The following SDCCAG8 variants were observed in gnomAD, a reference collection of about 807,000 sequenced individuals.
SDCCAG8 encodes the protein SHH signaling and ciliogenesis regulator SDCCAG8, also known as serologically defined colon cancer antigen 8.
Under a neutral mutation model 101.8 loss-of-function variants are expected in SDCCAG8, and 74 were observed. The ratio of observed to expected loss-of-function variants is 0.73; its 90% CI spans 0.60 to 0.88. SDCCAG8 has a LOEUF of 0.88. Ranked by LOEUF, SDCCAG8 falls within the 40% of genes least tolerant of loss-of-function variation. The pLI is 0.00. For synonymous variants in SDCCAG8, 281 were observed against 292.9 expected (o/e 0.96, Z 0.41); for missense variants, 787 against 822.6 (o/e 0.96, Z 0.53).
At chr1:243,270,905 G>A in intron 2 of SDCCAG8, 73 bp from the exon 3 acceptor site, 1 of 1,070,144 alleles carries the variant, frequency 9.3e-7, no homozygotes, top group South Asian at 1.3e-5. Flanking sequence ...TTTATTAGTT[G>A]GAAGGATGGA....
chr1:243,467,271 G>A (rs1425224997), intron 16 of SDCCAG8, among the ~76,000 whole-genome samples: 1 of 152,220 alleles, frequency 6.6e-6, no homozygotes, highest in Admixed American at 6.5e-5. Context: ...ACTTTGAACT[G>A]GATTGAAGTC....
At chr1:243,375,403 A>G (rs2077541858) in intron 12 of SDCCAG8, among the ~76,000 whole-genome samples, 1 of 152,134 alleles carries the variant, frequency 6.6e-6, no homozygotes, top group Non-Finnish European at 1.5e-5. Flanking sequence ...TCAACAATAA[A>G]AAGAAAGTTA....
intron 13 of SDCCAG8, among the ~76,000 whole-genome samples, chr1:243,385,602 T>C (rs2147926401): frequency 6.6e-6 from 1 of 152,108 alleles, no homozygotes; most frequent in East Asian, 1.9e-4. Context: ...CATGTATGTA[T>C]AAGAGTAAGT....
At position 243,418,421 on chromosome 1, in the gene SDCCAG8, T is replaced by C. The variant is rs1304365020; in HGVS notation, c.1853+345T>C. 2.6e-5 allele frequency among the ~76,000 whole-genome samples: 4 copies of C among 152,234 alleles called. No homozygotes were observed. In the East Asian group the frequency reaches 7.7e-4, roughly 29 times the overall value. ...TAGGTATGGTTAACACATTTTAATC[T>C]ATTGTTACAATTCACCATGAACACA... On this transcript the variant is annotated intron_variant, in intron 15 of 17. Coordinates refer to ENST00000366541, the MANE Select transcript of SDCCAG8 (RefSeq NM_006642.5).
intron 16 of SDCCAG8, among the ~76,000 whole-genome samples, chr1:243,478,598 C>T (rs1662868245): frequency 6.6e-6 from 1 of 152,156 alleles, no homozygotes; most frequent in Admixed American, 6.5e-5. Flanking sequence ...GCACGATCCT[C>T]AGGAAGAATT....
intron 6 of SDCCAG8, among the ~76,000 whole-genome samples, chr1:243,293,769 C>A (rs1291325732): frequency 6.6e-6 from 1 of 152,058 alleles, no homozygotes; most frequent in East Asian, 1.9e-4. Context: ...CTGTTTGAAT[C>A]CCTGTTTCAA....
At position 243,293,077 on chromosome 1, in the gene SDCCAG8, AC is replaced by A; in HGVS notation, c.547-13del. 6.2e-7 allele frequency: 1 copy of A among 1,614,068 alleles called. No homozygotes were observed. The highest frequency in any genetic ancestry group is 8.5e-7 in the Non-Finnish European group (1 of 1,179,934). On this transcript the variant is annotated splice_polypyrimidine_tract_variant and intron_variant, in intron 5 of 17. Coordinates refer to ENST00000366541, the MANE Select transcript of SDCCAG8 (RefSeq NM_006642.5). Reference sequence around the variant, plus strand: ...GTTGAATTCAGTTGCAGTTACTGGCACATTTTATTTTAGGGAAACATGCACA... The same window carrying A: ...GTTGAATTCAGTTGCAGTTACTGGCAATTTTATTTTAGGGAAACATGCACA...
intron 13 of SDCCAG8, among the ~76,000 whole-genome samples, chr1:243,407,749 C>G (rs2079887255): frequency 6.6e-6 from 1 of 152,174 alleles, no homozygotes; most frequent in African/African-American, 2.4e-5. Context: ...GACTCATTCT[C>G]TGATCTGATA....
chr1:243,495,243 G>A (rs562875446), intron 17 of SDCCAG8, among the ~76,000 whole-genome samples: 33 of 152,364 alleles, frequency 2.2e-4, no homozygotes, highest in African/African-American at 7.2e-4. Context: ...TGGCCTGTGC[G>A]GGGCCGCCTC....
chr1:243,300,260 C>T (rs1277314164), intron 6 of SDCCAG8, among the ~76,000 whole-genome samples: 2 of 152,054 alleles, frequency 1.3e-5, no homozygotes, highest in Admixed American at 1.3e-4. Context: ...CTTCAGAAAC[C>T]CAGGATTATT....
At chr1:243,309,870 G>A (rs201936344) in intron 8 of SDCCAG8, among the ~76,000 whole-genome samples, 1 of 83,184 alleles carries the variant, frequency 1.2e-5, no homozygotes, top group Non-Finnish European at 3.0e-5. Flanking sequence ...TGTTTGTTTT[G>A]TTTTTGTTTT....
intron 1 of SDCCAG8, among the ~76,000 whole-genome samples, chr1:243,257,358 C>G (rs1000339433): frequency 6.6e-5 from 10 of 151,966 alleles, no homozygotes; most frequent in African/African-American, 2.4e-4. Context: ...AATATGCCTA[C>G]TATGTGTCAG....
chr1:243,383,863 A>G (rs907856559), intron 13 of SDCCAG8, among the ~76,000 whole-genome samples: 2 of 152,174 alleles, frequency 1.3e-5, no homozygotes, highest in African/African-American at 4.8e-5. Context: ...GACAAATGTC[A>G]GTACACATAG....
At chr1:243,355,362 A>G (rs975757670) in intron 12 of SDCCAG8, among the ~76,000 whole-genome samples, 1 of 151,384 alleles carries the variant, frequency 6.6e-6, no homozygotes, top group African/African-American at 2.4e-5. Flanking sequence ...CCCTCTCTCC[A>G]TGGTAATAAA....
At chr1:243,260,259 A>G (rs1374457054) in intron 1 of SDCCAG8, among the ~76,000 whole-genome samples, 1 of 152,214 alleles carries the variant, frequency 6.6e-6, no homozygotes, top group Non-Finnish European at 1.5e-5. Flanking sequence ...TGTCCTGGGT[A>G]TCCTGGGAAC....
At chr1:243,341,344 G>C (rs1356476548) in intron 11 of SDCCAG8, among the ~76,000 whole-genome samples, 171 bp downstream of exon 11, 1 of 152,230 alleles carries the variant, frequency 6.6e-6, no homozygotes, top group Non-Finnish European at 1.5e-5. Context: ...CAAACATTCA[G>C]TTACTACATG....
chr1:243,364,942 A>G (rs555191973), intron 12 of SDCCAG8, among the ~76,000 whole-genome samples: 3 of 152,268 alleles, frequency 2.0e-5, no homozygotes, highest in Non-Finnish European at 2.9e-5. Context: ...ATAAAAGAGC[A>G]AAACGAAAAA....
At chr1:243,328,775 C>T (rs1400645100) in intron 9 of SDCCAG8, among the ~76,000 whole-genome samples, 1 of 152,222 alleles carries the variant, frequency 6.6e-6, no homozygotes, top group Non-Finnish European at 1.5e-5. Context: ...CATTACACCT[C>T]TTATCCTGCC....
rs762653933 is a variant in SDCCAG8 at position 243,341,169 on chromosome 1, C to T, written c.1352C>T (p.Thr451Ile). 6 of 1,613,804 alleles carry T rather than the reference C, an allele frequency of 3.7e-6. No homozygotes were observed. The East Asian group carries it at 1.3e-4, about 36-fold the overall frequency. ...CTGGCTTCTCGGGAAATGGATGTCA[C>T]AAAGGTACAGAAAGAGATTTTAGTG... is the stretch of plus-strand genomic sequence containing the variant. ...SQLASREMDV[T>I]KVCGEMRYQL... Residue 451 changes from threonine to isoleucine, a missense_variant, in exon 11 of 18, where the codon ACA becomes ATA. By Grantham distance (89) the Thr-to-Ile change is moderately conservative. Coordinates refer to ENST00000366541, the MANE Select transcript of SDCCAG8 (RefSeq NM_006642.5).
Sources: allele counts gnomAD v4.1 joint callset (sites outside exome capture counted in the v4.1 genomes callset), GRCh38; gene constraint gnomAD v4.1.1; transcripts MANE v1.5; gene names NCBI Gene and HGNC (gene_info 2026-07-23, HGNC 2026-07-21).